Variants in XPA observed in about 807,000 individuals in gnomAD.
XPA encodes XPA, DNA damage recognition and repair factor, also known as DNA repair protein complementing XP-A cells.
In XPA, 27 loss-of-function variants were observed where a neutral mutation model predicts 35.7. That is an observed-to-expected ratio of 0.76 (90% CI 0.56 to 1.04). The LOEUF is 1.04. Ranked by LOEUF, XPA falls within the 50% of genes least tolerant of loss-of-function variation. The pLI is 0.00. For synonymous variants in XPA, 133 were observed against 118.4 expected (o/e 1.12, Z -0.80); for missense variants, 354 against 342.7 (o/e 1.03, Z -0.26).
In XPA at chr9:97,687,227, T is replaced by A; in HGVS notation, c.424A>T (p.Thr142Ser). Reference sequence around the variant, plus strand: ...AGAAGATATTCTTGTTTTGCCTCTGTTTTGGTTATAAGCTTGTGTTTATCA... The same window carrying A: ...AGAAGATATTCTTGTTTTGCCTCTGATTTGGTTATAAGCTTGTGTTTATCA... ...ADDKHKLITK[T>S]EAKQEYLLKD... The change falls in exon 4 of 6, where the codon ACA becomes TCA. Residue 142 changes from threonine (T) to serine (S), a missense_variant. By Grantham distance (58) the Thr-to-Ser change is moderately conservative. Coordinates refer to ENST00000375128, the MANE Select transcript of XPA (RefSeq NM_000380.4). The A allele has an allele frequency of 6.2e-7, 1 of 1,610,562 alleles. No homozygotes were observed. The highest frequency in any genetic ancestry group is 1.1e-5 in the South Asian group (1 of 90,236).
At chr9:97,664,408 G>T in the XPA span, 3 of 1,612,434 alleles carry the variant, frequency 1.9e-6, no homozygotes, top group Admixed American at 5.0e-5. Context: ...TAGCAAATTG[G>T]ATCTTCTCTT....
chr9:97,683,555 C>T (rs1455672871), intron 5 of XPA, among the ~76,000 whole-genome samples: 3 of 151,944 alleles, frequency 2.0e-5, no homozygotes, highest in East Asian at 1.9e-4. Context: ...TGCTTAACTT[C>T]GTGTCAAACA....
chr9:97,696,848 C>T (rs1255218943), intron 1 of XPA, among the ~76,000 whole-genome samples: 4 of 152,188 alleles, frequency 2.6e-5, no homozygotes, highest in African/African-American at 4.8e-5. Flanking sequence ...AACGAAAAAT[C>T]GAAGCTGCCA....
At chr9:97,659,631 C>T in the XPA span, among the ~76,000 whole-genome samples, 1 of 152,294 alleles carries the variant, frequency 6.6e-6, no homozygotes, top group South Asian at 2.1e-4. Flanking sequence ...GGTGCACTAA[C>T]TGAGTGGCCA....
At chr9:97,656,915 G>C in the XPA span, among the ~76,000 whole-genome samples, 786 of 152,168 alleles carry the variant, frequency 5.2e-3, 6 homozygotes, top group African/African-American at 0.018. Context: ...CTGAAATTTT[G>C]CCAGCCGTCC....
In XPA at chr9:97,697,229, C is replaced by G; in HGVS notation, c.64G>C (p.Ala22Pro). 1 of 1,601,174 alleles carries G rather than the reference C, an allele frequency of 6.2e-7. No homozygotes were observed. The highest frequency in any genetic ancestry group is 8.5e-7 in the Non-Finnish European group (1 of 1,179,086). ...AALEQPAELP[A>P]SVRASIERKR... ...CGCTCGATACTCGCCCGCACCGAGGCAGGCAGCTCCGCGGGTTGCTCTAAA... is the reference window on the plus strand; with the variant it reads ...CGCTCGATACTCGCCCGCACCGAGGGAGGCAGCTCCGCGGGTTGCTCTAAA... The change falls in exon 1 of 6, where the codon GCC becomes CCC. Residue 22 changes from alanine (A) to proline (P), a missense_variant. Transcript: ENST00000375128.
At chr9:97,656,137 C>G in the XPA span, 3 of 1,362,346 alleles carry the variant, frequency 2.2e-6, no homozygotes, top group Non-Finnish European at 3.1e-6. Context: ...ATTTCTTTCT[C>G]TTCTCTGCAC....
chr9:97,670,037 C>T (rs897411674), downstream of XPA: 43 of 376,482 alleles, frequency 1.1e-4, no homozygotes, highest in African/African-American at 8.8e-4. Flanking sequence ...ATTCTTCTGC[C>T]TCAGCCTCCC....
chr9:97,689,777 G>T, intron 2 of XPA, 138 bp from the exon 3 acceptor site: 5 of 502,528 alleles, frequency 9.9e-6, no homozygotes, highest in South Asian at 6.6e-5. Flanking sequence ...AAGACCTTAT[G>T]TTTATCTAAA....
At chr9:97,657,208 C>A in the XPA span, among the ~76,000 whole-genome samples, 4 of 152,128 alleles carry the variant, frequency 2.6e-5, no homozygotes, top group African/African-American at 9.7e-5. Flanking sequence ...CCTCGTGATC[C>A]GCCCGCCTCG....
At chr9:97,658,558 C>T in the XPA span, 1 of 1,050,396 alleles carries the variant, frequency 9.5e-7, no homozygotes, top group East Asian at 2.4e-5. Context: ...TGTTGGAGAT[C>T]ATGACTTTCC....
the XPA span, chr9:97,662,885 G>T: frequency 2.6e-6 from 3 of 1,158,982 alleles, no homozygotes; most frequent in African/African-American, 1.6e-5. Flanking sequence ...ACATTGAAAA[G>T]GCTTTGAAAA....
intron 2 of XPA, 143 bp downstream of exon 2, chr9:97,693,506 T>C: frequency 1.4e-6 from 1 of 736,598 alleles, no homozygotes; most frequent in South Asian, 1.8e-5. Context: ...CTAGCAAAAC[T>C]GCCAAACTTT....
At chr9:97,684,873 T>C (rs751077748) in intron 5 of XPA, 50 bp downstream of exon 5, 11 of 1,499,128 alleles carry the variant, frequency 7.3e-6, no homozygotes, top group African/African-American at 1.4e-5. Context: ...AAAGGCTTTT[T>C]GCAAAATGGT....
At position 97,675,236 on chromosome 9, in the gene XPA, G is replaced by C. The variant is rs3176751; in HGVS notation, c.*203C>G. The C allele has an allele frequency of 0.05, 34,154 of 680,894 alleles. 4,774 individuals are homozygous for C. The highest frequency in any genetic ancestry group is 0.37 in the African/African-American group (20,946 of 56,784). The allele number at this position is 680,894 out of a possible 1,614,324, so 42.2% of individuals were successfully genotyped here. A position where few individuals can be genotyped will look rare whatever the true frequency, so the allele number is the denominator to read the frequency against. On this transcript the variant is annotated 3_prime_UTR_variant, in exon 6 of 6. Coordinates refer to ENST00000375128, the MANE Select transcript of XPA (RefSeq NM_000380.4). ...AGAAGGCAATCACAGACATGACATT[G>C]TGCACACAACCAGGCCAGGTGACCT...
At chr9:97,677,556 C>T (rs755780739) in intron 5 of XPA, among the ~76,000 whole-genome samples, 2 of 151,666 alleles carry the variant, frequency 1.3e-5, no homozygotes, top group Non-Finnish European at 1.5e-5. Context: ...ATTAGCTAGC[C>T]ACGGTGACAT....
At chr9:97,668,312 C>T in the XPA span, among the ~76,000 whole-genome samples, 3 of 152,220 alleles carry the variant, frequency 2.0e-5, no homozygotes, top group East Asian at 5.8e-4. Flanking sequence ...ATTCTATAAA[C>T]TCTTCAGAGT....
At chr9:97,663,074 G>A in the XPA span, 3 of 1,529,188 alleles carry the variant, frequency 2.0e-6, no homozygotes, top group South Asian at 3.4e-5. Flanking sequence ...TAGACATGTT[G>A]AAGCTCTGAT....
At chr9:97,655,447 T>C in the XPA span, among the ~76,000 whole-genome samples, 2 of 152,328 alleles carry the variant, frequency 1.3e-5, no homozygotes, top group African/African-American at 4.8e-5. Context: ...GAAAATAATA[T>C]GTACCTTGGA....
Sources: allele counts gnomAD v4.1 joint callset (sites outside exome capture counted in the v4.1 genomes callset), GRCh38; gene constraint gnomAD v4.1.1; transcripts MANE v1.5; gene names NCBI Gene and HGNC (gene_info 2026-07-23, HGNC 2026-07-21).